The following ITGB3BP variants were observed in gnomAD, a reference collection of about 807,000 sequenced individuals.
The protein encoded by ITGB3BP is centromere protein R.
A neutral mutation model predicts 29.1 loss-of-function variants in ITGB3BP; 27 were observed. That is an observed-to-expected ratio of 0.93 (90% CI 0.68 to 1.28). The LOEUF (loss-of-function observed/expected upper bound fraction) is 1.28. Among genes scored for constraint, ITGB3BP ranks in the 50% most tolerant of loss-of-function variants. The pLI is 0.00. For missense variants in ITGB3BP, 192 were observed against 200.2 expected (o/e 0.96, Z 0.25); for synonymous variants, 61 against 61.4 (o/e 0.99, Z 0.03).
At chr1:63,470,197 G>A (rs1645172184) in intron 4 of ITGB3BP, among the ~76,000 whole-genome samples, 1 of 152,184 alleles carries the variant, frequency 6.6e-6, no homozygotes, top group Non-Finnish European at 1.5e-5. Flanking sequence ...TCTAAAGGCT[G>A]TGAGACCCCT....
chr1:63,497,728 G>C (rs1486368912), intron 2 of ITGB3BP, among the ~76,000 whole-genome samples: 1 of 133,008 alleles, frequency 7.5e-6, no homozygotes, highest in African/African-American at 2.7e-5. Flanking sequence ...TCATGAAGAG[G>C]GAAGGACAGA....
At chr1:63,441,472 G>A (rs946587573) in intron 8 of ITGB3BP, among the ~76,000 whole-genome samples, 2 of 151,886 alleles carry the variant, frequency 1.3e-5, no homozygotes, top group African/African-American at 4.8e-5. Flanking sequence ...TCCTGACCTC[G>A]TGATCTGCCC....
At chr1:63,516,207 G>A (rs911240512) in intron 1 of ITGB3BP, among the ~76,000 whole-genome samples, 17 of 148,410 alleles carry the variant, frequency 1.1e-4, no homozygotes, top group Admixed American at 6.8e-4. Context: ...CAGATTGCTT[G>A]AGTCCAGAGT....
intron 1 of ITGB3BP, among the ~76,000 whole-genome samples, chr1:63,510,954 A>G (rs896025056): frequency 4.6e-5 from 7 of 152,180 alleles, no homozygotes; most frequent in Non-Finnish European, 1.0e-4. Context: ...AATAGGTAAA[A>G]TTTGATTAGA....
At chr1:63,529,119 A>G (rs1444079610) in intron 2 of ITGB3BP, 1 of 152,244 alleles carries the variant, frequency 6.6e-6, no homozygotes, top group East Asian at 1.9e-4. Flanking sequence ...ACTAGGCAAA[A>G]TACTTACTTA....
At chr1:63,459,466 C>A (rs376726909) in intron 4 of ITGB3BP, among the ~76,000 whole-genome samples, 6 of 151,994 alleles carry the variant, frequency 3.9e-5, no homozygotes, top group Non-Finnish European at 7.4e-5. Context: ...CTATGATTCA[C>A]GCAGAAAAAG....
intron 4 of ITGB3BP, among the ~76,000 whole-genome samples, chr1:63,473,328 C>T (rs1344887340): frequency 1.3e-5 from 2 of 151,798 alleles, no homozygotes; most frequent in East Asian, 2.0e-4. Context: ...GCAGCCACCC[C>T]GTCCGGGAGG....
chr1:63,520,145 C>G (rs1362238091), intron 1 of ITGB3BP, among the ~76,000 whole-genome samples: 4 of 152,104 alleles, frequency 2.6e-5, no homozygotes, highest in African/African-American at 9.7e-5. Context: ...TGATTACTTA[C>G]AGCAAGAGCT....
chr1:63,485,529 A>G (rs1645511636), intron 3 of ITGB3BP, among the ~76,000 whole-genome samples: 1 of 151,696 alleles, frequency 6.6e-6, no homozygotes, highest in South Asian at 2.1e-4. Context: ...TATAGTCAGC[A>G]AAACTTGTAA....
intron 4 of ITGB3BP, among the ~76,000 whole-genome samples, chr1:63,472,460 CT>C (rs1645217809): frequency 6.8e-6 from 1 of 147,210 alleles, no homozygotes; most frequent in African/African-American, 2.5e-5. Flanking sequence ...CCCCTCTCCC[CT>C]CTCCCCTCTC....
chr1:63,508,668 C>A lies in ITGB3BP; in HGVS notation c.6-98G>T, dbSNP rs554093125. On this transcript the variant is annotated intron_variant, in intron 1 of 8. Coordinates refer to ENST00000271002, the MANE Select transcript of ITGB3BP (RefSeq NM_014288.5). ...GATATATAAACAAAGATTCTTAGTTCTACCAACCAATTTTTATATTATGTA... is the reference window on the plus strand; with the variant it reads ...GATATATAAACAAAGATTCTTAGTTATACCAACCAATTTTTATATTATGTA... 1.4e-3 allele frequency: 783 copies of A among 550,730 alleles called. 4 individuals are homozygous for A. Among genetic ancestry groups the A allele is most frequent in the African/African-American group, 0.013 (664 of 51,104 alleles). 34.1% of individuals were successfully genotyped at this position (550,730 alleles called of 1,614,324 possible). A position where few individuals can be genotyped will look rare whatever the true frequency, so the allele number is the denominator to read the frequency against.
chr1:63,503,141 A>T (rs1341364498), intron 2 of ITGB3BP, among the ~76,000 whole-genome samples: 3 of 152,134 alleles, frequency 2.0e-5, no homozygotes, highest in Admixed American at 2.0e-4. Flanking sequence ...ACACTGTAAA[A>T]GTGTTCCTAT....
chr1:63,470,176 G>A (rs1645171807), intron 4 of ITGB3BP, among the ~76,000 whole-genome samples: 1 of 152,082 alleles, frequency 6.6e-6, no homozygotes, highest in Non-Finnish European at 1.5e-5. Flanking sequence ...TCTCTGTTCA[G>A]GGCTCTCAGC....
chr1:63,465,010 A>G (rs918071744), intron 4 of ITGB3BP, among the ~76,000 whole-genome samples: 1 of 152,220 alleles, frequency 6.6e-6, no homozygotes, highest in African/African-American at 2.4e-5. Flanking sequence ...GAAAAATTGC[A>G]ATAAAGAACA....
At chr1:63,501,588 C>A (rs1645931200) in intron 2 of ITGB3BP, among the ~76,000 whole-genome samples, 3 of 152,124 alleles carry the variant, frequency 2.0e-5, no homozygotes, top group Admixed American at 6.5e-5. Context: ...TACTGCCAGG[C>A]ATGGTGGCTC....
chr1:63,523,155 A>G lies in ITGB3BP; in HGVS notation c.-22T>C. 6.2e-7 allele frequency: 1 copy of G among 1,614,062 alleles called. No individual in the cohort carries two copies. The highest frequency in any genetic ancestry group is 8.5e-7 in the Non-Finnish European group (1 of 1,180,012). ...GCATTCTGAGATTCGGGAAAGCACC[A>G]CTGCCGCTGAATAAAACGAACCCAG... On this transcript the variant is annotated 5_prime_UTR_variant, in exon 1 of 9. Coordinates refer to ENST00000271002, the MANE Select transcript of ITGB3BP (RefSeq NM_014288.5).
chr1:63,458,548 A>T (rs763324786), intron 4 of ITGB3BP, among the ~76,000 whole-genome samples: 1 of 152,054 alleles, frequency 6.6e-6, no homozygotes, highest in Non-Finnish European at 1.5e-5. Flanking sequence ...ATTCCCTCGG[A>T]TGCAAGCCAT....
At chr1:63,456,061 C>T (rs973109507) in intron 4 of ITGB3BP, among the ~76,000 whole-genome samples, 2 of 152,040 alleles carry the variant, frequency 1.3e-5, no homozygotes, top group East Asian at 1.9e-4. Flanking sequence ...ATGGCTAGTG[C>T]GTACTGTTTC....
intron 3 of ITGB3BP, among the ~76,000 whole-genome samples, chr1:63,485,663 G>T (rs1387796509): frequency 1.3e-5 from 2 of 152,012 alleles, no homozygotes; most frequent in African/African-American, 4.8e-5. Flanking sequence ...AAGAGAATCT[G>T]TGAGTGGCAA....
Sources: gnomAD v4.1 joint callset for allele counts (sites outside exome capture counted in the v4.1 genomes callset) on GRCh38, gnomAD v4.1.1 for gene constraint, MANE v1.5 for transcripts, NCBI Gene and HGNC (gene_info 2026-07-23, HGNC 2026-07-21) for gene names.